RBFOX1: variants seen among roughly 807,000 people sequenced by gnomAD.
The protein encoded by RBFOX1 is RNA binding fox-1 homolog 1, also known as RNA binding protein fox-1 homolog 1.
RBFOX1 carries 8 observed loss-of-function variants against 57.7 expected under a neutral mutation model. The ratio of observed to expected loss-of-function variants is 0.14; its 90% CI spans 0.08 to 0.25. RBFOX1 has a LOEUF of 0.25. Among genes scored for constraint, RBFOX1 ranks in the 10% least tolerant of loss-of-function variants. The probability of loss-of-function intolerance (pLI) is 1.00; values close to 1 mark genes in which losing one functional copy is unlikely to be tolerated. For missense variants in RBFOX1, 611 were observed against 548.5 expected (o/e 1.11, Z -1.14); for synonymous variants, 326 against 222.4 (o/e 1.47, Z -4.15).
chr16:6,560,174 C>A (rs1200382189), intron 2 of RBFOX1, among the ~76,000 whole-genome samples: 618 of 121,384 alleles, frequency 5.1e-3, no homozygotes, highest in Non-Finnish European at 7.1e-3. Context: ...TGCCATTTAT[C>A]AAAAAAAAAA....
intron 1 of RBFOX1, among the ~76,000 whole-genome samples, chr16:5,447,378 A>ATCTCCCTCTC (rs2068277546): frequency 7.4e-6 from 1 of 134,360 alleles, no homozygotes; most frequent in Non-Finnish European, 1.6e-5. Flanking sequence ...CAATCAATCA[A>ATCTCCCTCTC]TCTCTCTCTC....
intron 4 of RBFOX1, among the ~76,000 whole-genome samples, chr16:7,319,091 C>A (rs867234312): frequency 2.0e-5 from 3 of 151,984 alleles, no homozygotes; most frequent in Non-Finnish European, 2.9e-5. Flanking sequence ...GTTTTTTTAT[C>A]CTAATTTTAA....
intron 4 of RBFOX1, among the ~76,000 whole-genome samples, chr16:7,448,971 C>G (rs1011422638): frequency 1.2e-5 from 1 of 82,620 alleles, no homozygotes; most frequent in Non-Finnish European, 2.2e-5. Flanking sequence ...CTCTTGTTGC[C>G]CAGGCTGGAG....
intron 2 of RBFOX1, among the ~76,000 whole-genome samples, chr16:6,561,376 T>A (rs905199193): frequency 6.6e-6 from 1 of 152,230 alleles, no homozygotes; most frequent in Non-Finnish European, 1.5e-5. Context: ...GTAGAACTGT[T>A]ACAGTCTAGT....
At chr16:7,179,449 C>T (rs542106182) in intron 4 of RBFOX1, among the ~76,000 whole-genome samples, 3 of 152,258 alleles carry the variant, frequency 2.0e-5, no homozygotes, top group Admixed American at 6.5e-5. Context: ...GTCTGGCCTC[C>T]TCTTGAACTG....
At chr16:5,729,892 C>T (rs1486372508) in intron 3 of RBFOX1, among the ~76,000 whole-genome samples, 1 of 152,200 alleles carries the variant, frequency 6.6e-6, no homozygotes, top group Non-Finnish European at 1.5e-5. Context: ...CCGAGAGCTG[C>T]ATACTGCATC....
chr16:6,483,449 C>T (rs1351794976), intron 2 of RBFOX1: 2 of 1,535,678 alleles, frequency 1.3e-6, no homozygotes, highest in African/African-American at 2.7e-5. Flanking sequence ...TCGGACTTCT[C>T]CCGTGCTGTG....
chr16:5,521,312 A>T (rs1430975724), intron 2 of RBFOX1, among the ~76,000 whole-genome samples: 1 of 112,166 alleles, frequency 8.9e-6, no homozygotes. Flanking sequence ...CTGCTGCCCC[A>T]GGTCCGTGCA....
At chr16:5,375,687 G>T (rs1184930740) in intron 1 of RBFOX1, among the ~76,000 whole-genome samples, 2 of 152,184 alleles carry the variant, frequency 1.3e-5, no homozygotes, top group East Asian at 1.9e-4. Context: ...TGTGCCAGGG[G>T]TTGCCAAATG....
chr16:5,692,640 C>T lies in RBFOX1; in HGVS notation c.318+93679C>T, dbSNP rs762746730. Among the ~76,000 whole-genome samples, 7 of 151,884 alleles carry T rather than the reference C, an allele frequency of 4.6e-5. No homozygotes were observed. The East Asian group carries it at 7.7e-4, about 17-fold the overall frequency. On this transcript the variant is annotated intron_variant, in intron 3 of 19. Transcript: ENST00000641259. ...AGAAAAGTAATGCAGGAGGTGAGTA[C>T]GTACACACTCCTACGTAGGGACCAG... is the stretch of plus-strand genomic sequence containing the variant.
intron 1 of RBFOX1, among the ~76,000 whole-genome samples, chr16:5,442,916 C>T (rs139162841): frequency 6.6e-5 from 10 of 152,226 alleles, no homozygotes; most frequent in Non-Finnish European, 1.5e-4. Flanking sequence ...ACCTGAAATC[C>T]AGTGTCTAAT....
At chr16:7,169,226 G>A (rs1375506107) in intron 4 of RBFOX1, among the ~76,000 whole-genome samples, 2 of 152,198 alleles carry the variant, frequency 1.3e-5, no homozygotes, top group African/African-American at 2.4e-5. Flanking sequence ...TGATAATGGT[G>A]ACGATGAAAA....
intron 3 of RBFOX1, among the ~76,000 whole-genome samples, chr16:6,724,549 C>G (rs538043803): frequency 6.6e-6 from 1 of 152,000 alleles, no homozygotes; most frequent in Non-Finnish European, 1.5e-5. Context: ...CACCAGACAC[C>G]AAATCTACCA....
At chr16:7,402,787 C>T (rs1248648625) in intron 4 of RBFOX1, among the ~76,000 whole-genome samples, 2 of 152,116 alleles carry the variant, frequency 1.3e-5, no homozygotes, top group Non-Finnish European at 2.9e-5. Context: ...ATGGTGTAAC[C>T]TCAACAGCAG....
chr16:7,338,391 T>G (rs954866893), intron 4 of RBFOX1, among the ~76,000 whole-genome samples: 1 of 152,158 alleles, frequency 6.6e-6, no homozygotes, highest in East Asian at 1.9e-4. Flanking sequence ...CTATACTCCA[T>G]GTTTTTATTT....
At chr16:6,667,944 T>C (rs1485290459) in intron 3 of RBFOX1, among the ~76,000 whole-genome samples, 1 of 152,134 alleles carries the variant, frequency 6.6e-6, no homozygotes, top group African/African-American at 2.4e-5. Context: ...TACACTTAAA[T>C]CTGCTTTCGT....
At chr16:5,917,438 G>A (rs1253369955) in intron 4 of RBFOX1, among the ~76,000 whole-genome samples, 1 of 152,182 alleles carries the variant, frequency 6.6e-6, no homozygotes, top group Non-Finnish European at 1.5e-5. Flanking sequence ...AAAACAGAGA[G>A]GTTGAGACGT....
chr16:5,869,360 C>A (rs1310006214), intron 4 of RBFOX1, among the ~76,000 whole-genome samples: 1 of 152,084 alleles, frequency 6.6e-6, no homozygotes, highest in South Asian at 2.1e-4. Flanking sequence ...AACAATCATC[C>A]AACAAGAAAA....
chr16:6,323,524 TG>T (rs1398442294), intron 2 of RBFOX1, among the ~76,000 whole-genome samples: 4 of 152,180 alleles, frequency 2.6e-5, no homozygotes, highest in Admixed American at 2.6e-4. Context: ...GAATTTGTGC[TG>T]TGAATGTTGA....
Sources: allele counts gnomAD v4.1 joint callset (sites outside exome capture counted in the v4.1 genomes callset), GRCh38; gene constraint gnomAD v4.1.1; transcripts MANE v1.5; gene names NCBI Gene and HGNC (gene_info 2026-07-23, HGNC 2026-07-21).